Variants in TSBP1 observed in about 807,000 individuals in gnomAD.
TSBP1 encodes the protein testis-expressed basic protein 1.
In TSBP1, 56 loss-of-function variants were observed where a neutral mutation model predicts 68.8. That is an observed-to-expected ratio of 0.81 (90% CI 0.66 to 1.02). TSBP1 has a LOEUF of 1.02. Ranked by LOEUF, TSBP1 falls within the 50% of genes least tolerant of loss-of-function variation. The pLI, the probability that TSBP1 is intolerant of heterozygous loss-of-function variation, is 0.00. For missense variants in TSBP1, 502 were observed against 641.2 expected, an observed-to-expected ratio of 0.78 and a Z score of 2.34; for synonymous variants, 171 against 208.7, an observed-to-expected ratio of 0.82 and a Z score of 1.56.
chr6:32,338,859 G>T lies in TSBP1; in HGVS notation c.409+120C>A. On this transcript the variant is annotated intron_variant, in intron 11 of 22. Transcript: ENST00000612031. The surrounding 1 kb of genome is among the most constrained non-coding windows in gnomAD (Gnocchi z 5.5). ...AGATAAGAATAGGGAATAAACAAGG[G>T]GAAAGGAATGGACAATTTGTGAAAG... The T allele has an allele frequency of 1.2e-6, 1 of 836,512 alleles. No individual in the cohort carries two copies. The highest frequency in any genetic ancestry group is 1.4e-5 in the South Asian group (1 of 70,432). The allele number at this position is 836,512 out of a possible 1,614,324, so 51.8% of individuals were successfully genotyped here.
At chr6:32,347,062 T>C (rs1771097703) in intron 9 of TSBP1, among the ~76,000 whole-genome samples, 1 of 152,212 alleles carries the variant, frequency 6.6e-6, no homozygotes. Context: ...CTACAATGTA[T>C]ACATATATCA....
intron 9 of TSBP1, among the ~76,000 whole-genome samples, chr6:32,347,108 T>G (rs966530542): frequency 3.3e-5 from 5 of 152,172 alleles, no homozygotes; most frequent in Non-Finnish European, 7.3e-5. Context: ...ATATACAATT[T>G]TGTCAATTAA....
chr6:32,319,148 T>G (rs1285856836), intron 18 of TSBP1, among the ~76,000 whole-genome samples: 1 of 152,222 alleles, frequency 6.6e-6, no homozygotes, highest in East Asian at 1.9e-4. Context: ...GCTACCTAAA[T>G]GAATAAATAG....
At chr6:32,327,173 G>A (rs978952745) in intron 16 of TSBP1, among the ~76,000 whole-genome samples, 2 of 152,196 alleles carry the variant, frequency 1.3e-5, no homozygotes, top group Non-Finnish European at 2.9e-5. Context: ...CAAAAGAAAT[G>A]AAGAAATGTG....
intron 6 of TSBP1, 73 bp downstream of exon 6, chr6:32,366,094 A>T: frequency 1.9e-6 from 3 of 1,592,086 alleles, no homozygotes; most frequent in African/African-American, 1.3e-5. Flanking sequence ...GTCAGTTTTT[A>T]TAGCCTTTTA....
chr6:32,363,870 G>A (rs1461909990), intron 6 of TSBP1, among the ~76,000 whole-genome samples: 1 of 151,574 alleles, frequency 6.6e-6, no homozygotes, highest in Non-Finnish European at 1.5e-5. Flanking sequence ...ACTAATTATT[G>A]GCCTTTCATT....
intron 9 of TSBP1, among the ~76,000 whole-genome samples, chr6:32,349,354 A>G (rs28732195): frequency 0.066 from 10,116 of 152,170 alleles, 389 homozygotes; most frequent in South Asian, 0.098. Flanking sequence ...GCCTCAGGGA[A>G]GGCTGCCCTT....
chr6:32,370,686 A>C (rs913029856), intron 1 of TSBP1, among the ~76,000 whole-genome samples: 2 of 152,044 alleles, frequency 1.3e-5, no homozygotes, highest in African/African-American at 4.8e-5. Flanking sequence ...TGTGGTTAGT[A>C]GGATAAAATA....
chr6:32,327,542 G>C (rs1308410593), intron 16 of TSBP1, among the ~76,000 whole-genome samples: 1 of 152,112 alleles, frequency 6.6e-6, no homozygotes, highest in African/African-American at 2.4e-5. Context: ...GGTAAAGTGA[G>C]GCTTTGTTCT....
At chr6:32,294,186 G>T in intron 22 of TSBP1, 151 bp from the exon 26 acceptor site, 2 of 813,222 alleles carry the variant, frequency 2.5e-6, no homozygotes, top group South Asian at 1.5e-5. Context: ...ATGGTTCTCT[G>T]TACATAAAAT....
chr6:32,324,651 C>A (rs911624387), intron 16 of TSBP1: 1 of 1,550,740 alleles, frequency 6.4e-7, no homozygotes, highest in African/African-American at 1.4e-5. Context: ...AACACATAGA[C>A]TTACTGATTG....
At chr6:32,366,353 T>C in intron 4 of TSBP1, 51 bp from the exon 5 acceptor site, 1 of 1,505,966 alleles carries the variant, frequency 6.6e-7, no homozygotes, top group Non-Finnish European at 9.2e-7. Context: ...CAAGTGAGTC[T>C]ATATTATTTT....
rs1313972105 is a variant in TSBP1 at position 32,340,431 on chromosome 6, G to A, written c.350-793C>T. Among the ~76,000 whole-genome samples, 2 of 152,188 alleles carry A rather than the reference G, an allele frequency of 1.3e-5. No individual in the cohort carries two copies. Among genetic ancestry groups the A allele is most frequent in the African/African-American group, 4.8e-5 (2 of 41,446 alleles). ...TGGGAAGAGATGTCTGTTTTTCTAT[G>A]TGGTATTTTAGGCCGTCAATCACTG... On this transcript the variant is annotated intron_variant, in intron 9 of 22. Transcript: ENST00000612031. The surrounding 1 kb of genome is among the most constrained non-coding windows in gnomAD (Gnocchi z 4.8).
intron 18 of TSBP1, among the ~76,000 whole-genome samples, chr6:32,320,010 A>G (rs942469137): frequency 6.6e-6 from 1 of 151,550 alleles, no homozygotes; most frequent in African/African-American, 2.4e-5. Flanking sequence ...CTCTAGTTAT[A>G]TTTCTCTGGG....
At chr6:32,328,005 T>C (rs1047286092) in intron 16 of TSBP1, among the ~76,000 whole-genome samples, 3 of 151,748 alleles carry the variant, frequency 2.0e-5, no homozygotes, top group Non-Finnish European at 4.4e-5. Context: ...AGGGTTTCAC[T>C]GTGTTAGCCA....
At chr6:32,312,909 A>C (rs1766552984) in intron 19 of TSBP1, among the ~76,000 whole-genome samples, 1 of 150,546 alleles carries the variant, frequency 6.6e-6, no homozygotes, top group Non-Finnish European at 1.5e-5. Flanking sequence ...TTGAGCCCTC[A>C]CTCTCACTCC....
chr6:32,325,360 G>C lies in TSBP1; in HGVS notation c.515-1746C>G, dbSNP rs1768107981. On this transcript the variant is annotated intron_variant, in intron 16 of 22. Coordinates refer to ENST00000612031, the Ensembl canonical transcript of TSBP1. The surrounding 1 kb of genome is among the most constrained non-coding windows in gnomAD (Gnocchi z 4.4). ...ACTCCCGGACAGTGTGGTCATGAGA[G>C]ATCCAAACCCAAGCACTCCAGGGGC... 1.0e-6 allele frequency: 1 copy of C among 991,246 alleles called. No individual in the cohort carries two copies. The highest frequency in any genetic ancestry group is 1.6e-6 in the Non-Finnish European group (1 of 628,394). The allele number at this position is 991,246 out of a possible 1,614,324, so 61.4% of individuals were successfully genotyped here. A position where few individuals can be genotyped will look rare whatever the true frequency, so the allele number is the denominator to read the frequency against.
chr6:32,362,098 G>A (rs1270870849), intron 6 of TSBP1, among the ~76,000 whole-genome samples: 1 of 152,024 alleles, frequency 6.6e-6, no homozygotes, highest in Non-Finnish European at 1.5e-5. Flanking sequence ...AGACCATCCT[G>A]GCTAACACGG....
At chr6:32,317,850 G>A (rs556375756) in intron 18 of TSBP1, among the ~76,000 whole-genome samples, 1 of 152,296 alleles carries the variant, frequency 6.6e-6, no homozygotes, top group East Asian at 1.9e-4. Context: ...GTTTTACCTT[G>A]TTGGTGGCAA....
Sources: allele counts gnomAD v4.1 joint callset (sites outside exome capture counted in the v4.1 genomes callset), GRCh38; gene constraint gnomAD v4.1.1; non-coding constraint Gnocchi (gnomAD v3.1); transcripts MANE v1.5; gene names NCBI Gene and HGNC (gene_info 2026-07-23, HGNC 2026-07-21).